SCML2: variants seen among roughly 807,000 people sequenced by gnomAD.
SCML2 encodes the protein Scm polycomb group protein like 2.
A neutral mutation model predicts 48.4 loss-of-function variants in SCML2; 6 were observed. The observed-to-expected ratio is 0.12, with a 90% confidence interval of 0.07 to 0.24. SCML2 has a LOEUF of 0.24. SCML2 is among the 10% of genes least tolerant of loss of function. The probability of loss-of-function intolerance (pLI) is 1.00; values close to 1 mark genes in which losing one functional copy is unlikely to be tolerated. For missense variants in SCML2, 377 were observed against 528.2 expected (o/e 0.71, Z 2.81); for synonymous variants, 181 against 189.5 (o/e 0.95, Z 0.37).
intron 7 of SCML2, among the ~76,000 whole-genome samples, chrX:18,281,583 G>A (rs1380546675): frequency 3.7e-5 from 4 of 108,792 alleles, no homozygotes; most frequent in Non-Finnish European, 7.6e-5. Flanking sequence ...GTGCTGGCAG[G>A]CACCTGTAAT....
chrX:18,269,032 T>G (rs1389131854), intron 7 of SCML2, among the ~76,000 whole-genome samples: 2 of 112,017 alleles, frequency 1.8e-5, no homozygotes, highest in Admixed American at 1.9e-4. Context: ...CTACTATGAA[T>G]AAAACATCAA....
chrX:18,299,453 G>C (rs1439663074), intron 7 of SCML2, among the ~76,000 whole-genome samples: 1 of 111,001 alleles, frequency 9.0e-6, no homozygotes, highest in South Asian at 3.8e-4. Context: ...GGGAGGCAGA[G>C]GTTGCAGTGA....
intron 7 of SCML2, among the ~76,000 whole-genome samples, chrX:18,282,266 G>A (rs367853303): frequency 2.7e-5 from 3 of 111,027 alleles, no homozygotes; most frequent in African/African-American, 9.8e-5. Context: ...ATAGAAATAA[G>A]TACAATCAGA....
At chrX:18,274,850 T>A in intron 7 of SCML2, among the ~76,000 whole-genome samples, 1 of 111,848 alleles carries the variant, frequency 8.9e-6, no homozygotes, top group African/African-American at 3.3e-5. Flanking sequence ...TCTCCAGCAT[T>A]AATATCAACA....
intron 1 of SCML2, among the ~76,000 whole-genome samples, chrX:18,352,435 G>A (rs769995514): frequency 8.9e-6 from 1 of 111,738 alleles, no homozygotes; most frequent in South Asian, 3.7e-4. Flanking sequence ...TTAACATCAC[G>A]TAAGTCAGAA....
intron 9 of SCML2, 89 bp downstream of exon 9, chrX:18,260,082 T>C (rs1041772906): frequency 1.5e-5 from 9 of 610,041 alleles, no homozygotes; most frequent in Non-Finnish European, 2.1e-5. Flanking sequence ...TTTTCCCTTA[T>C]TATTTTATTT....
intron 3 of SCML2, among the ~76,000 whole-genome samples, chrX:18,325,823 T>C (rs1301650856): frequency 1.8e-5 from 2 of 112,064 alleles, no homozygotes; most frequent in Non-Finnish European, 3.8e-5. Flanking sequence ...TCTATACTCT[T>C]GCTAAATTTC....
At chrX:18,327,269 C>G (rs1056642655) in intron 3 of SCML2, among the ~76,000 whole-genome samples, 1 of 110,203 alleles carries the variant, frequency 9.1e-6, no homozygotes, top group Non-Finnish European at 1.9e-5. Context: ...GAGGCTGAGG[C>G]AGGAGAATCG....
Position 18,247,868 on chromosome X carries a change from T to C in SCML2, c.1471A>G (p.Thr491Ala). Reference protein sequence around the residue: ...DKNQSAKEDVTERQSTKRSPQ... With the variant: ...DKNQSAKEDVAERQSTKRSPQ... ...GATCGTTTGGTGCTTTGCCTTTCTG[T>C]TACATCTTCTTTTGCTGTTTTCAAA... is the stretch of plus-strand genomic sequence containing the variant. The change falls in exon 12 of 15, where the codon ACA becomes GCA. Residue 491 changes from threonine to alanine, a missense_variant. Around this residue, in one of 3 missense-constraint regions of SCML2, gnomAD observed 299 missense variants for 425.5 expected, o/e 0.70. Transcript: ENST00000251900. 8.3e-7 allele frequency: 1 copy of C among 1,203,279 alleles called. No individual in the cohort carries two copies. Among genetic ancestry groups the C allele is most frequent in the African/African-American group, 1.7e-5 (1 of 57,664 alleles).
chrX:18,254,804 A>G (rs1473757475), intron 11 of SCML2, among the ~76,000 whole-genome samples: 1 of 111,094 alleles, frequency 9.0e-6, no homozygotes, highest in Non-Finnish European at 1.9e-5. Flanking sequence ...GGTACCTGCA[A>G]TCCCAGCTAT....
chrX:18,264,475 G>C (rs1012306784), intron 8 of SCML2, among the ~76,000 whole-genome samples: 5 of 91,118 alleles, frequency 5.5e-5, no homozygotes, highest in South Asian at 9.4e-4. Context: ...GTGTGTGTGT[G>C]TGTGTCTGTG....
At chrX:18,327,430 T>G (rs1178634997) in intron 3 of SCML2, among the ~76,000 whole-genome samples, 1 of 111,728 alleles carries the variant, frequency 9.0e-6, no homozygotes, top group Non-Finnish European at 1.9e-5. Context: ...TGGATGTCAT[T>G]AAGAAGTTGA....
chrX:18,303,357 T>C (rs2147521248), intron 7 of SCML2, among the ~76,000 whole-genome samples: 1 of 112,003 alleles, frequency 8.9e-6, no homozygotes, highest in South Asian at 3.7e-4. Flanking sequence ...CCCACTGTGT[T>C]CCAAAGTGAA....
chrX:18,288,000 T>C (rs1239457680), intron 7 of SCML2, among the ~76,000 whole-genome samples: 1 of 111,727 alleles, frequency 9.0e-6, no homozygotes, highest in South Asian at 3.7e-4. Flanking sequence ...ATTAAAAATA[T>C]GATAATCTCC....
Position 18,246,612 on chromosome X carries a change from T to C in SCML2, c.1787A>G (p.His596Arg). The C allele has an allele frequency of 8.3e-7, 1 of 1,205,787 alleles. No individual in the cohort carries two copies. Among genetic ancestry groups the C allele is most frequent in the African/African-American group, 1.7e-5 (1 of 57,701 alleles). The change falls in exon 13 of 15, where the codon CAT (histidine) becomes CGT (arginine). Residue 596 changes from histidine (H) to arginine (R), a missense_variant. By Grantham distance (29) the His-to-Arg change is conservative. Coordinates refer to ENST00000251900, the MANE Select transcript of SCML2 (RefSeq NM_006089.3). ...VGDISPKSSP[H>R]EVKFQMQRKS... ...CCTCTGCATTTGGAATTTAACTTCATGGGGACTGCTCTTGGGGGATATGTC... is the reference window on the plus strand; with the variant it reads ...CCTCTGCATTTGGAATTTAACTTCACGGGGACTGCTCTTGGGGGATATGTC...
rs1254306363 is a variant in SCML2 at position 18,306,544 on chromosome X, A to C, written c.487-1329T>G. 3.6e-5 allele frequency among the ~76,000 whole-genome samples: 4 copies of C among 112,174 alleles called. No homozygotes were observed. In the East Asian group the frequency reaches 8.4e-4, roughly 24 times the overall value. On this transcript the variant is annotated intron_variant, in intron 6 of 14. Transcript: ENST00000251900. ...GTGTTCATTCCTCTATGAGACTAAG[A>C]GATTATTAAAAACAGCTATTCATAT...
At chrX:18,331,630 C>A (rs1271404139) in intron 2 of SCML2, among the ~76,000 whole-genome samples, 1 of 111,996 alleles carries the variant, frequency 8.9e-6, no homozygotes, top group African/African-American at 3.2e-5. Flanking sequence ...AACCAGTGTT[C>A]CCCAATTGTC....
chrX:18,257,102 C>G (rs1270954420), intron 10 of SCML2, 72 bp from the exon 11 acceptor site: 2 of 662,179 alleles, frequency 3.0e-6, no homozygotes, highest in Non-Finnish European at 2.2e-6. Flanking sequence ...AAAAAAAAAA[C>G]TATCACCTTA....
chrX:18,307,236 G>A (rs768720655), intron 6 of SCML2, among the ~76,000 whole-genome samples: 11 of 109,768 alleles, frequency 1.0e-4, no homozygotes, highest in South Asian at 3.9e-4. Flanking sequence ...GCGGCGAGCC[G>A]TGTTCTTGCC....
Sources: allele counts gnomAD v4.1 joint callset (sites outside exome capture counted in the v4.1 genomes callset), GRCh38; gene constraint gnomAD v4.1.1; regional missense constraint gnomAD v4.1.1; transcripts MANE v1.5; gene names NCBI Gene and HGNC (gene_info 2026-07-23, HGNC 2026-07-21).